Variants in HTRA4 observed in about 807,000 individuals in gnomAD.
HTRA4 encodes HtrA serine peptidase 4, also known as serine protease HTRA4.
HTRA4 carries 46 observed loss-of-function variants against 49.1 expected under a neutral mutation model. The ratio of observed to expected loss-of-function variants is 0.94; its 90% CI spans 0.74 to 1.20. HTRA4 has a LOEUF of 1.20. Among genes scored for constraint, HTRA4 ranks in the 50% most tolerant of loss-of-function variants. The pLI, the probability that HTRA4 is intolerant of heterozygous loss-of-function variation, is 0.00. For synonymous variants in HTRA4, 261 were observed against 264.0 expected, an observed-to-expected ratio of 0.99 and a Z score of 0.11; for missense variants, 602 against 636.9, an observed-to-expected ratio of 0.95 and a Z score of 0.59.
chr8:38,986,838 A>C (rs1835487627), intron 8 of HTRA4, among the ~76,000 whole-genome samples: 1 of 152,222 alleles, frequency 6.6e-6, no homozygotes, highest in African/African-American at 2.4e-5. Context: ...CCCTCTCACA[A>C]GTTGCATGAC....
chr8:38,986,978 T>A (rs1488846401), intron 8 of HTRA4, among the ~76,000 whole-genome samples: 1 of 152,262 alleles, frequency 6.6e-6, no homozygotes, highest in Non-Finnish European at 1.5e-5. Flanking sequence ...AAGTTCTCTA[T>A]AAGTTCTTTC....
intron 3 of HTRA4, among the ~76,000 whole-genome samples, chr8:38,977,092 C>T (rs549462022): frequency 3.9e-5 from 6 of 152,140 alleles, no homozygotes; most frequent in South Asian, 2.1e-4. Context: ...CCTGCCACCA[C>T]GCCTGGCTAA....
intron 8 of HTRA4, among the ~76,000 whole-genome samples, chr8:38,986,370 C>T (rs1835482636): frequency 6.6e-6 from 1 of 152,178 alleles, no homozygotes; most frequent in South Asian, 2.1e-4. Flanking sequence ...GCAACCTCCG[C>T]CTCCTGGGTT....
At position 38,988,142 on chromosome 8, in the gene HTRA4, G is replaced by T; in HGVS notation, c.*44G>T. The T allele has an allele frequency of 7.1e-7, 1 of 1,406,822 alleles. No individual in the cohort carries two copies. Among genetic ancestry groups the T allele is most frequent in the Non-Finnish European group, 9.5e-7 (1 of 1,055,816 alleles). The allele number at this position is 1,406,822 out of a possible 1,614,324, so 87.1% of individuals were successfully genotyped here. ...GGATTATCTAAAAAAAAAAAAACCA[G>T]TTATATCACGTGGTTTGTATTGGAG... is the stretch of plus-strand genomic sequence containing the variant. On this transcript the variant is annotated 3_prime_UTR_variant, in exon 9 of 9. Transcript: ENST00000302495.
chr8:38,978,243 C>A, intron 4 of HTRA4, 96 bp downstream of exon 4: 2 of 1,079,028 alleles, frequency 1.9e-6, no homozygotes, highest in Non-Finnish European at 2.6e-6. Flanking sequence ...AGGCTGTGAG[C>A]CATGGGCGAG....
intron 8 of HTRA4, 71 bp from the exon 9 acceptor site, chr8:38,987,865 A>C: frequency 3.0e-6 from 4 of 1,350,286 alleles, no homozygotes; most frequent in Non-Finnish European, 4.0e-6. Flanking sequence ...CAGAAATATT[A>C]AATTATAGAT....
At chr8:38,979,472 C>T (rs563886430) in intron 5 of HTRA4, among the ~76,000 whole-genome samples, 14 of 152,114 alleles carry the variant, frequency 9.2e-5, no homozygotes, top group Non-Finnish European at 1.8e-4. Context: ...GACTTGGGTG[C>T]CACTCTTGTG....
At chr8:38,978,952 C>A (rs1835386306) in intron 4 of HTRA4, among the ~76,000 whole-genome samples, 1 of 148,478 alleles carries the variant, frequency 6.7e-6, no homozygotes, top group Admixed American at 6.8e-5. Flanking sequence ...CGAGATTGCG[C>A]CATTGCATTC....
chr8:38,981,502 C>CAT (rs996955935), intron 5 of HTRA4, 151 bp from the exon 6 acceptor site: 2 of 608,172 alleles, frequency 3.3e-6, no homozygotes, highest in African/African-American at 3.7e-5. Context: ...TATAAAGGAA[C>CAT]ATCCGTTGCT....
intron 1 of HTRA4, 112 bp from the exon 2 acceptor site, chr8:38,974,919 T>C: frequency 2.1e-5 from 29 of 1,349,780 alleles, no homozygotes; most frequent in Non-Finnish European, 2.9e-5. Context: ...GCTACGTGGT[T>C]TCTCCCTCCC....
intron 6 of HTRA4, 135 bp from the exon 7 acceptor site, chr8:38,982,363 C>A: frequency 1.4e-6 from 1 of 707,822 alleles, no homozygotes. Context: ...CAAAGGTTCT[C>A]TGAAGCCTGT....
Position 38,974,692 on chromosome 8 carries a change from G to A in HTRA4, c.429G>A (p.Pro143=). ...NRAARRLGKV[P]AVPVQWGNCG... ...CCGCGCGCCGCCTGGGCAAGGTCCC[G>A]GCCGTGCCTGTGCAGTGGGGGAACT... is the stretch of plus-strand genomic sequence containing the variant. The change falls in exon 1 of 9, where the codon CCG becomes CCA. Residue 143 remains proline (P), a synonymous_variant. Coordinates refer to ENST00000302495, the MANE Select transcript of HTRA4 (RefSeq NM_153692.4). The A allele has an allele frequency of 7.1e-7, 1 of 1,413,490 alleles. No individual in the cohort carries two copies. 87.6% of individuals were successfully genotyped at this position (1,413,490 alleles called of 1,614,324 possible). A position where few individuals can be genotyped will look rare whatever the true frequency, so the allele number is the denominator to read the frequency against.
rs1274756908 is a variant in HTRA4 at position 38,979,262 on chromosome 8, T to C, written c.999+15T>C. 1 of 1,607,478 alleles carries C rather than the reference T, an allele frequency of 6.2e-7. No homozygotes were observed. The highest frequency in any genetic ancestry group is 1.7e-5 in the Admixed American group (1 of 59,998). On this transcript the variant is annotated intron_variant, in intron 5 of 8. Coordinates refer to ENST00000302495, the MANE Select transcript of HTRA4 (RefSeq NM_153692.4). Reference sequence around the variant, plus strand: ...TGGTGAACTTGGTAAGTGATCACTTTCCTTGTTGCTTCATGTTTCTTCTTA... The same window carrying C: ...TGGTGAACTTGGTAAGTGATCACTTCCCTTGTTGCTTCATGTTTCTTCTTA...
At position 38,982,402 on chromosome 8, in the gene HTRA4, C is replaced by T. The variant is rs1835434364; in HGVS notation, c.1115-96C>T. ...TCATCCAGGTAACCTGAAAGGACAG[C>T]TGTGATGGCAAAGAGATCCTGGGAC... On this transcript the variant is annotated intron_variant, in intron 6 of 8. Transcript: ENST00000302495. The T allele has an allele frequency of 1.9e-5, 20 of 1,048,304 alleles. No individual in the cohort carries two copies. In the South Asian group the frequency reaches 2.6e-4, roughly 14 times the overall value. The allele number at this position is 1,048,304 out of a possible 1,614,324, so 64.9% of individuals were successfully genotyped here. A position where few individuals can be genotyped will look rare whatever the true frequency, so the allele number is the denominator to read the frequency against.
Position 38,974,393 on chromosome 8 carries a change from T to C in HTRA4, c.130T>C (p.Cys44Arg). 6.4e-7 allele frequency: 1 copy of C among 1,569,626 alleles called. No homozygotes were observed. Among genetic ancestry groups the C allele is most frequent in the South Asian group, 1.2e-5 (1 of 86,516 alleles). The change falls in exon 1 of 9, where the codon TGC becomes CGC. Residue 44 changes from cysteine (C) to arginine (R), a missense_variant. Cys to Arg is a radical substitution (Grantham distance 180). Coordinates refer to ENST00000302495, the MANE Select transcript of HTRA4 (RefSeq NM_153692.4). ...LHTQPSCPAV[C>R]QPTRCPALPT... Reference sequence around the variant, plus strand: ...TACCCAGCCCTCCTGCCCCGCGGTCTGCCAGCCCACGCGCTGCCCCGCGCT... The same window carrying C: ...TACCCAGCCCTCCTGCCCCGCGGTCCGCCAGCCCACGCGCTGCCCCGCGCT...
chr8:38,978,137 C>T lies in HTRA4; in HGVS notation c.956C>T (p.Ala319Val), dbSNP rs1291410911. 6.2e-7 allele frequency: 1 copy of T among 1,612,824 alleles called. No homozygotes were observed. The highest frequency in any genetic ancestry group is 8.5e-7 in the Non-Finnish European group (1 of 1,179,256). ...GATATGGACTACGTCCAGATTGATG[C>T]CACAATTAATGTAAGTCACTTAGGA... ...DSDMDYVQID[A>V]TINYGNSGGP... The change falls in exon 4 of 9, where the codon GCC (alanine) becomes GTC (valine). Residue 319 changes from alanine (A) to valine (V), a missense_variant. Transcript: ENST00000302495.
chr8:38,978,273 T>C, intron 4 of HTRA4, 126 bp downstream of exon 4: 1 of 747,910 alleles, frequency 1.3e-6, no homozygotes, highest in Admixed American at 3.0e-5. Context: ...CTGCCCGAGT[T>C]CCACCTCCTG....
chr8:38,974,343 T>C lies in HTRA4; in HGVS notation c.80T>C (p.Leu27Pro). ...CTGCTGCTGCTCCTGGTGCCCGTCC[T>C]CTGGGCCGGGGCTGAAAAGCTACAT... The part of the protein sequence containing the change: ...PGLLLLLVPV[L>P]WAGAEKLHTQ... Residue 27 changes from leucine to proline, a missense_variant, in exon 1 of 9, where the codon CTC becomes CCC. By Grantham distance (98) the Leu-to-Pro change is moderately conservative. Coordinates refer to ENST00000302495, the MANE Select transcript of HTRA4 (RefSeq NM_153692.4). The C allele has an allele frequency of 5.0e-6, 8 of 1,611,756 alleles. No homozygotes were observed. Among genetic ancestry groups the C allele is most frequent in the Non-Finnish European group, 6.8e-6 (8 of 1,179,470 alleles).
rs368528127 is a variant in HTRA4, at chr8:38,976,735, C to T, written c.767C>T (p.Ser256Leu). The change falls in exon 3 of 9, where the codon TCA becomes TTA. Residue 256 changes from serine to leucine, a missense_variant. Transcript: ENST00000302495. Reference protein sequence around the residue: ...KLDLAVIKIESNAELPVLMLG... With the variant: ...KLDLAVIKIELNAELPVLMLG... ...GATCTTGCGGTGATTAAGATTGAATCAAATGTGAGTATTTCAGGGCTGAGT... is the reference window on the plus strand; with the variant it reads ...GATCTTGCGGTGATTAAGATTGAATTAAATGTGAGTATTTCAGGGCTGAGT... 1.8e-5 allele frequency: 29 copies of T among 1,614,082 alleles called. No homozygotes were observed. The highest frequency in any genetic ancestry group is 2.5e-5 in the Non-Finnish European group (29 of 1,179,988).
Sources: gnomAD v4.1 joint callset for allele counts (sites outside exome capture counted in the v4.1 genomes callset) on GRCh38, gnomAD v4.1.1 for gene constraint, MANE v1.5 for transcripts, NCBI Gene and HGNC (gene_info 2026-07-23, HGNC 2026-07-21) for gene names.